Variants in ZNF462 observed in about 807,000 individuals in gnomAD.
The protein encoded by ZNF462 is zinc finger PBX1-interacting protein.
In ZNF462, 10 loss-of-function variants were observed where a neutral mutation model predicts 201.9. The ratio of observed to expected loss-of-function variants is 0.05; its 90% CI spans 0.03 to 0.08. The LOEUF (loss-of-function observed/expected upper bound fraction) is 0.08. Among genes scored for constraint, ZNF462 ranks in the 10% least tolerant of loss-of-function variants. The pLI is 1.00. For missense variants in ZNF462, 2,523 were observed against 3,168.3 expected (o/e 0.80, Z 4.89); for synonymous variants, 1,227 against 1,193.3 (o/e 1.03, Z -0.58).
Position 106,923,253 on chromosome 9 carries a change from G to T in ZNF462, c.-30-101G>T. On this transcript the variant is annotated intron_variant, in intron 1 of 12. Transcript: ENST00000277225. The surrounding 1 kb of genome is among the most constrained non-coding windows in gnomAD (Gnocchi z 5.6). Reference sequence around the variant, plus strand: ...CAAAGTCCAATAAGAGAAATCTACTGATACTGGAATTTTTTCCCATTAATG... The same window carrying T: ...CAAAGTCCAATAAGAGAAATCTACTTATACTGGAATTTTTTCCCATTAATG... The T allele has an allele frequency of 1.2e-6, 1 of 819,304 alleles. No individual in the cohort carries two copies. The allele number at this position is 819,304 out of a possible 1,614,324, so 50.8% of individuals were successfully genotyped here. A position where few individuals can be genotyped will look rare whatever the true frequency, so the allele number is the denominator to read the frequency against.
chr9:106,931,514 A>G (rs1304063502), intron 4 of ZNF462, among the ~76,000 whole-genome samples: 1 of 152,170 alleles, frequency 6.6e-6, no homozygotes, highest in African/African-American at 2.4e-5. Flanking sequence ...TAAAGTCTCT[A>G]CTTTTCTTCA....
At position 106,933,392 on chromosome 9, in the gene ZNF462, A is replaced by T. The variant is rs775689216; in HGVS notation, c.6116+843A>T. On this transcript the variant is annotated intron_variant, in intron 5 of 12. Coordinates refer to ENST00000277225, the MANE Select transcript of ZNF462 (RefSeq NM_021224.6). The surrounding 1 kb of genome is among the most constrained non-coding windows in gnomAD (Gnocchi z 4.3). Reference sequence around the variant, plus strand: ...GATGGGTTGTAAACACTTTATTATTATACAGAGCCTAATATCTAATCTTTG... The same window carrying T: ...GATGGGTTGTAAACACTTTATTATTTTACAGAGCCTAATATCTAATCTTTG... Among the ~76,000 whole-genome samples the T allele has an allele frequency of 3.8e-4, 58 of 152,352 alleles. No individual in the cohort carries two copies. Among genetic ancestry groups the T allele is most frequent in the Middle Eastern group, 3.4e-3 (1 of 292 alleles).
chr9:106,863,082 G>GAA (rs960360010), upstream of ZNF462: 4 of 395,540 alleles, frequency 1.0e-5, no homozygotes, highest in African/African-American at 8.3e-5. Flanking sequence ...AGAGAGGGGA[G>GAA]AGAGAGAGTG....
Position 106,984,093 on chromosome 9 carries a change from G to T in ZNF462, c.6833-93G>T. The T allele has an allele frequency of 8.3e-7, 1 of 1,209,244 alleles. No homozygotes were observed. The highest frequency in any genetic ancestry group is 2.3e-5 in the East Asian group (1 of 42,690). The allele number at this position is 1,209,244 out of a possible 1,614,324, so 74.9% of individuals were successfully genotyped here. ...GAACCAGATCCACGAGGAGCAGCAA[G>T]ATTGGGTGAGTTTCTTCTTGTATTC... On this transcript the variant is annotated intron_variant, in intron 9 of 12. Transcript: ENST00000277225. The surrounding 1 kb of genome is among the most constrained non-coding windows in gnomAD (Gnocchi z 6.4).
At position 106,948,177 on chromosome 9, in the gene ZNF462, T is replaced by A. The variant is rs539601372; in HGVS notation, c.6427+9070T>A. On this transcript the variant is annotated intron_variant, in intron 7 of 12. Transcript: ENST00000277225. ...GGATCCTGGGACTGCAAAAATCCAG[T>A]GTGGCTGGAGCAAAGGATGTGTGGT... Among the ~76,000 whole-genome samples the A allele has an allele frequency of 5.3e-5, 8 of 152,142 alleles. No homozygotes were observed. The South Asian group carries it at 1.7e-3, about 32-fold the overall frequency.
At position 106,913,443 on chromosome 9, in the gene ZNF462, A is replaced by G. The variant is rs1204330087; in HGVS notation, c.-30-9911A>G. 1.3e-5 allele frequency among the ~76,000 whole-genome samples: 2 copies of G among 152,198 alleles called. No homozygotes were observed. The highest frequency in any genetic ancestry group is 2.9e-5 in the Non-Finnish European group (2 of 68,032). On this transcript the variant is annotated intron_variant, in intron 1 of 12. Coordinates refer to ENST00000277225, the MANE Select transcript of ZNF462 (RefSeq NM_021224.6). The surrounding 1 kb of genome is among the most constrained non-coding windows in gnomAD (Gnocchi z 4.1). Reference sequence around the variant, plus strand: ...CAGACTTATGCCGGGCCCTGGGGATATAAGAATAAAAAAGAACGTATTACT... The same window carrying G: ...CAGACTTATGCCGGGCCCTGGGGATGTAAGAATAAAAAAGAACGTATTACT...
chr9:106,864,899 T>C (rs1000159746), intron 1 of ZNF462, among the ~76,000 whole-genome samples: 4 of 152,114 alleles, frequency 2.6e-5, no homozygotes, highest in Admixed American at 6.5e-5. Flanking sequence ...GTAAGCCGTG[T>C]CATGTTGTAA....
intron 1 of ZNF462, among the ~76,000 whole-genome samples, chr9:106,884,438 G>T (rs1828232019): frequency 6.6e-6 from 1 of 152,142 alleles, no homozygotes; most frequent in East Asian, 1.9e-4. Flanking sequence ...TAAGGGTACT[G>T]TATACTGAGT....
At position 106,993,987 on chromosome 9, in the gene ZNF462, ACT is replaced by A. The variant is rs1828494655; in HGVS notation, c.7057-9306_7057-9305del. 6.6e-6 allele frequency among the ~76,000 whole-genome samples: 1 copy of A among 152,008 alleles called. No homozygotes were observed. Among genetic ancestry groups the A allele is most frequent in the East Asian group, 1.9e-4 (1 of 5,172 alleles). Reference sequence around the variant, plus strand: ...CTTCTCACATTTAAAAAATACACACACTGTTTTTAAAAGAAAGTTTATATGCA... The same window carrying A: ...CTTCTCACATTTAAAAAATACACACAGTTTTTAAAAGAAAGTTTATATGCA... On this transcript the variant is annotated intron_variant, in intron 10 of 12. Transcript: ENST00000277225. The surrounding 1 kb of genome is among the most constrained non-coding windows in gnomAD (Gnocchi z 4.0).
At chr9:106,878,517 T>G (rs568015272) in intron 1 of ZNF462, among the ~76,000 whole-genome samples, 1 of 152,376 alleles carries the variant, frequency 6.6e-6, no homozygotes, top group South Asian at 2.1e-4. Flanking sequence ...GAACACTTAC[T>G]GAGCTCCTCC....
At position 107,009,240 on chromosome 9, in the gene ZNF462, C is replaced by G. The variant is rs549081018; in HGVS notation, c.7190-305C>G. 5.8e-6 allele frequency: 2 copies of G among 346,542 alleles called. No homozygotes were observed. Among genetic ancestry groups the G allele is most frequent in the Admixed American group, 4.2e-5 (1 of 23,740 alleles). 21.5% of individuals were successfully genotyped at this position (346,542 alleles called of 1,614,324 possible). On this transcript the variant is annotated intron_variant, in intron 11 of 12. Transcript: ENST00000277225. The surrounding 1 kb of genome is among the most constrained non-coding windows in gnomAD (Gnocchi z 6.1). ...AGAATAAATCGGAAAAAATAATGCT[C>G]AGATTCCTTTGGAATCTCGGGCAAG...
chr9:106,964,006 T>C (rs947181033), intron 7 of ZNF462, among the ~76,000 whole-genome samples: 24 of 129,974 alleles, frequency 1.8e-4, no homozygotes, highest in African/African-American at 6.0e-4. Flanking sequence ...CTAAATAATA[T>C]TCGTGTGTGT....
intron 7 of ZNF462, among the ~76,000 whole-genome samples, chr9:106,946,077 C>G (rs1172560385): frequency 1.3e-5 from 2 of 152,218 alleles, no homozygotes; most frequent in African/African-American, 4.8e-5. Flanking sequence ...TCAACTAATT[C>G]ATCTCCCTGT....
rs75023165 is a variant in ZNF462, at chr9:107,005,404, G to A, written c.7189+1978G>A. Among the ~76,000 whole-genome samples the A allele has an allele frequency of 0.024, 3,672 of 152,212 alleles. 157 individuals carry two copies. Among genetic ancestry groups the A allele is most frequent in the African/African-American group, 0.083 (3,427 of 41,532 alleles). ...CTTCACTCTTTTTGATAATAGCCTCGTAACAGGTGTGAAGTGATAGCTCAT... is the reference window on the plus strand; with the variant it reads ...CTTCACTCTTTTTGATAATAGCCTCATAACAGGTGTGAAGTGATAGCTCAT... On this transcript the variant is annotated intron_variant, in intron 11 of 12. Transcript: ENST00000277225. This position sits in a 1 kb window ranked among gnomAD's most constrained non-coding sequence, Gnocchi z 4.4.
intron 1 of ZNF462, among the ~76,000 whole-genome samples, chr9:106,871,264 G>A (rs775080140): frequency 2.6e-5 from 4 of 152,188 alleles, no homozygotes; most frequent in Non-Finnish European, 5.9e-5. Context: ...ATCATGGTAG[G>A]GAAGTTAGGC....
chr9:106,948,972 A>C (rs1831227078), intron 7 of ZNF462, among the ~76,000 whole-genome samples: 1 of 152,162 alleles, frequency 6.6e-6, no homozygotes, highest in Admixed American at 6.5e-5. Flanking sequence ...TCACCTCCTC[A>C]AAAATTACTC....
At chr9:106,953,844 C>G (rs534562391) in intron 7 of ZNF462, among the ~76,000 whole-genome samples, 1 of 152,218 alleles carries the variant, frequency 6.6e-6, no homozygotes, top group South Asian at 2.1e-4. Flanking sequence ...AAACTTGTCC[C>G]TTTGCCAGAG....
In ZNF462 at chr9:106,974,753, A is replaced by G; in HGVS notation, c.6832+480A>G. On this transcript the variant is annotated intron_variant, in intron 9 of 12. Coordinates refer to ENST00000277225, the MANE Select transcript of ZNF462 (RefSeq NM_021224.6). The surrounding 1 kb of genome is among the most constrained non-coding windows in gnomAD (Gnocchi z 4.0). ...GAGAGAGAATTCTTTAAAATAATGT[A>G]TATTATACATTCTAATAATAGTCTC... The G allele has an allele frequency of 5.3e-6, 1 of 187,196 alleles. No individual in the cohort carries two copies. Among genetic ancestry groups the G allele is most frequent in the African/African-American group, 2.3e-5 (1 of 43,168 alleles). 11.6% of individuals were successfully genotyped at this position (187,196 alleles called of 1,614,324 possible).
rs750616127 is a variant in ZNF462 at position 106,993,870 on chromosome 9, A to C, written c.7057-9424A>C. ...AGCAATCCTCCCACCTTGGCTTCCC[A>C]AAGTACAGGAATTGCAGGTGTGAGC... On this transcript the variant is annotated intron_variant, in intron 10 of 12. Transcript: ENST00000277225. The surrounding 1 kb of genome is among the most constrained non-coding windows in gnomAD (Gnocchi z 4.0). 6.6e-6 allele frequency among the ~76,000 whole-genome samples: 1 copy of C among 152,104 alleles called. No homozygotes were observed. The highest frequency in any genetic ancestry group is 1.9e-4 in the East Asian group (1 of 5,182).
Sources: gnomAD v4.1 joint callset for allele counts (sites outside exome capture counted in the v4.1 genomes callset) on GRCh38, gnomAD v4.1.1 for gene constraint, Gnocchi (gnomAD v3.1) non-coding constraint, MANE v1.5 for transcripts, NCBI Gene and HGNC (gene_info 2026-07-23, HGNC 2026-07-21) for gene names.